The following STK10 variants were observed in gnomAD, a reference collection of about 807,000 sequenced individuals.
STK10 encodes serine/threonine-protein kinase 10.
A neutral mutation model predicts 113.8 loss-of-function variants in STK10; 78 were observed. The observed-to-expected ratio is 0.69, with a 90% CI of 0.57 to 0.83. The LOEUF is 0.83. Among genes scored for constraint, STK10 ranks in the 40% least tolerant of loss-of-function variants. The pLI is 0.00. For synonymous variants in STK10, 465 were observed against 494.7 expected (o/e 0.94, Z 0.80); for missense variants, 1,109 against 1,280.1 (o/e 0.87, Z 2.04).
intron 18 of STK10, among the ~76,000 whole-genome samples, chr5:172,050,713 T>A (rs986629856): frequency 7.4e-6 from 1 of 135,310 alleles, no homozygotes; most frequent in African/African-American, 3.0e-5. Context: ...AGCTTCTCAA[T>A]TTTTTTTTTT....
chr5:172,061,098 G>A (rs376992298), intron 14 of STK10, 41 bp downstream of exon 14: 30 of 1,567,318 alleles, frequency 1.9e-5, no homozygotes, highest in East Asian at 1.6e-4. Context: ...TGTCCACAGC[G>A]ACTCTGGGCC....
chr5:172,133,179 A>C lies in STK10; in HGVS notation c.322-5758T>G, dbSNP rs1769790743. On this transcript the variant is annotated intron_variant, in intron 2 of 18. Coordinates refer to ENST00000176763, the MANE Select transcript of STK10 (RefSeq NM_005990.4). The surrounding 1 kb of genome is among the most constrained non-coding windows in gnomAD (Gnocchi z 4.9). ...CTTGAACATCTCAAAGTATGAACCT[A>C]ATCTGGAGAGCTGTGTGTGCGTGTG... 6.6e-6 allele frequency among the ~76,000 whole-genome samples: 1 copy of C among 152,166 alleles called. No individual in the cohort carries two copies. Among genetic ancestry groups the C allele is most frequent in the Non-Finnish European group, 1.5e-5 (1 of 68,024 alleles).
chr5:172,064,707 G>A lies in STK10; in HGVS notation c.2082+13C>T, dbSNP rs978486293. ...CCAGCCCCTGCGCTCCCCAGCTGAGGCCAGGGACTCACAAGAAGCTGCTTT... is the reference window on the plus strand; with the variant it reads ...CCAGCCCCTGCGCTCCCCAGCTGAGACCAGGGACTCACAAGAAGCTGCTTT... On this transcript the variant is annotated intron_variant, in intron 13 of 18. Coordinates refer to ENST00000176763, the MANE Select transcript of STK10 (RefSeq NM_005990.4). 11 of 1,613,452 alleles carry A rather than the reference G, an allele frequency of 6.8e-6. No individual in the cohort carries two copies. Among genetic ancestry groups the A allele is most frequent in the Admixed American group, 1.7e-5 (1 of 59,990 alleles).
intron 18 of STK10, among the ~76,000 whole-genome samples, chr5:172,047,862 T>C (rs1343674566): frequency 6.6e-6 from 1 of 151,950 alleles, no homozygotes; most frequent in African/African-American, 2.4e-5. Context: ...ATAGCTTCAC[T>C]GTACAAATAA....
intron 1 of STK10, among the ~76,000 whole-genome samples, chr5:172,171,642 G>C (rs1187526427): frequency 6.6e-6 from 1 of 150,990 alleles, no homozygotes; most frequent in Non-Finnish European, 1.5e-5. Flanking sequence ...TTGGACCCGT[G>C]AGGCAGAGGT....
rs768629765 is a variant in STK10 at position 172,106,750 on chromosome 5, T to A, written c.658A>T (p.Ile220Phe). The stretch of plus-strand genomic sequence containing the variant: ...ATCAGCGTGATGCCCAGGGACCAGA[T>A]GTCGGCTTTGTAGTCGTAGGGCGTG... ...KDTPYDYKAD[I>F]WSLGITLIEM... is the part of the protein sequence containing the mutation. The change falls in exon 6 of 19, where the codon ATC (isoleucine) becomes TTC (phenylalanine). Residue 220 changes from isoleucine (I) to phenylalanine (F), a missense_variant. Transcript: ENST00000176763. 6.2e-7 allele frequency: 1 copy of A among 1,614,180 alleles called. No homozygotes were observed. Among genetic ancestry groups the A allele is most frequent in the Admixed American group, 1.7e-5 (1 of 60,026 alleles).
chr5:172,050,858 A>G (rs1258950907), intron 18 of STK10, among the ~76,000 whole-genome samples: 2 of 152,162 alleles, frequency 1.3e-5, no homozygotes, highest in East Asian at 1.9e-4. Context: ...GACTACAGGC[A>G]TGTGCCACTG....
chr5:172,167,241 G>C (rs773358063), intron 1 of STK10, among the ~76,000 whole-genome samples: 11 of 125,084 alleles, frequency 8.8e-5, no homozygotes, highest in Non-Finnish European at 1.5e-4. Context: ...CATAATAATA[G>C]AAAAAAGGTG....
intron 10 of STK10, among the ~76,000 whole-genome samples, chr5:172,085,476 G>C (rs1235126026): frequency 2.0e-5 from 3 of 151,554 alleles, no homozygotes; most frequent in Non-Finnish European, 4.4e-5. Flanking sequence ...ATCACTTGAG[G>C]TCAGGAGTTC....
Position 172,057,595 on chromosome 5 carries a change from G to A in STK10, c.2213-122C>T, listed in dbSNP as rs1767835165. On this transcript the variant is annotated intron_variant, in intron 14 of 18. Transcript: ENST00000176763. ...GATGATAACCAACCTGCTGGGCTCAGGAATTGCCACATGTTCTACCTCATT... is the reference window on the plus strand; with the variant it reads ...GATGATAACCAACCTGCTGGGCTCAAGAATTGCCACATGTTCTACCTCATT... 3 of 1,435,288 alleles carry A rather than the reference G, an allele frequency of 2.1e-6. No individual in the cohort carries two copies. The Admixed American group carries it at 7.2e-5, about 34-fold the overall frequency. The allele number at this position is 1,435,288 out of a possible 1,614,324, so 88.9% of individuals were successfully genotyped here. A position where few individuals can be genotyped will look rare whatever the true frequency, so the allele number is the denominator to read the frequency against.
chr5:172,066,529 G>A (rs904360827), intron 12 of STK10, among the ~76,000 whole-genome samples: 1 of 152,230 alleles, frequency 6.6e-6, no homozygotes, highest in Non-Finnish European at 1.5e-5. Flanking sequence ...GCTCACGCCT[G>A]TAATCCCAGC....
At chr5:172,070,492 A>G (rs1344468186) in intron 12 of STK10, among the ~76,000 whole-genome samples, 1 of 151,772 alleles carries the variant, frequency 6.6e-6, no homozygotes, top group Non-Finnish European at 1.5e-5. Flanking sequence ...AAGCTAAAAC[A>G]GTGCTCCATT....
At chr5:172,099,230 G>A (rs1768925727) in intron 7 of STK10, among the ~76,000 whole-genome samples, 1 of 152,010 alleles carries the variant, frequency 6.6e-6, no homozygotes, top group Non-Finnish European at 1.5e-5. Flanking sequence ...AGCAGCAGGA[G>A]CAGCAGCACA....
chr5:172,165,015 G>A (rs562412492), intron 1 of STK10, among the ~76,000 whole-genome samples: 307 of 152,250 alleles, frequency 2.0e-3, no homozygotes, highest in African/African-American at 7.0e-3. Flanking sequence ...CCTTGTACCC[G>A]CAAGGGGCCC....
intron 12 of STK10, among the ~76,000 whole-genome samples, chr5:172,081,008 T>C (rs1041614051): frequency 1.3e-5 from 2 of 152,098 alleles, no homozygotes; most frequent in Admixed American, 6.6e-5. Context: ...GATGGTGACT[T>C]GAAGTTGAAG....
At chr5:172,114,008 T>G (rs1170005625) in intron 4 of STK10, among the ~76,000 whole-genome samples, 1 of 152,222 alleles carries the variant, frequency 6.6e-6, no homozygotes, top group African/African-American at 2.4e-5. Flanking sequence ...GCATATCTAT[T>G]CCTACACACA....
intron 1 of STK10, among the ~76,000 whole-genome samples, chr5:172,185,567 C>CA (rs1011122771): frequency 5.9e-5 from 9 of 152,082 alleles, no homozygotes; most frequent in Non-Finnish European, 8.8e-5. Context: ...ACGCCCGGCC[C>CA]AAAAAACCCA....
chr5:172,152,034 G>A (rs891381232), intron 2 of STK10, among the ~76,000 whole-genome samples: 1 of 152,234 alleles, frequency 6.6e-6, no homozygotes, highest in Non-Finnish European at 1.5e-5. Flanking sequence ...GTCACCTCAT[G>A]AGAGAGGCTT....
intron 3 of STK10, among the ~76,000 whole-genome samples, chr5:172,123,429 T>TGAGCTGTAGCCTAGGGC (rs1769557174): frequency 6.6e-6 from 1 of 152,200 alleles, no homozygotes; most frequent in Admixed American, 6.5e-5. Context: ...GTCTGCTGGC[T>TGAGCTGTAGCCTAGGGC]GAGCTGTAGC....
Sources: allele counts gnomAD v4.1 joint callset (sites outside exome capture counted in the v4.1 genomes callset), GRCh38; gene constraint gnomAD v4.1.1; non-coding constraint Gnocchi (gnomAD v3.1); transcripts MANE v1.5; gene names NCBI Gene and HGNC (gene_info 2026-07-23, HGNC 2026-07-21).